Variants in PTPRM observed in about 807,000 individuals in gnomAD.
PTPRM encodes receptor-type tyrosine-protein phosphatase mu.
A neutral mutation model predicts 186.7 loss-of-function variants in PTPRM; 47 were observed. The observed-to-expected ratio is 0.25, with a 90% CI of 0.20 to 0.32. The LOEUF (loss-of-function observed/expected upper bound fraction) is 0.32, where lower values mean the gene tolerates loss of function less well. PTPRM is among the 10% of genes least tolerant of loss of function. The probability of loss-of-function intolerance (pLI) is 1.00; values close to 1 mark genes in which losing one functional copy is unlikely to be tolerated. For synonymous variants in PTPRM, 668 were observed against 674.9 expected (o/e 0.99, Z 0.16); for missense variants, 1,494 against 1,865.0 (o/e 0.80, Z 3.66).
intron 14 of PTPRM, among the ~76,000 whole-genome samples, chr18:8,199,664 T>C (rs1036332320): frequency 2.0e-5 from 3 of 152,204 alleles, no homozygotes; most frequent in Admixed American, 6.5e-5. Context: ...ACAAGATTCA[T>C]TGAAGTGAAG....
chr18:7,790,278 A>T (rs1434726966), intron 2 of PTPRM, among the ~76,000 whole-genome samples: 1 of 152,210 alleles, frequency 6.6e-6, no homozygotes, highest in Non-Finnish European at 1.5e-5. Flanking sequence ...CTTTAGAGAC[A>T]TATTCTCAGC....
chr18:7,739,751 G>A (rs771987867), intron 1 of PTPRM, among the ~76,000 whole-genome samples: 8 of 152,096 alleles, frequency 5.3e-5, no homozygotes, highest in Admixed American at 3.3e-4. Context: ...TTGCTTCTGC[G>A]GCTCTTGCTG....
intron 2 of PTPRM, among the ~76,000 whole-genome samples, chr18:7,842,482 AC>A (rs1266150107): frequency 1.3e-5 from 2 of 152,172 alleles, no homozygotes; most frequent in Non-Finnish European, 1.5e-5. Context: ...AGAAGTCCAG[AC>A]GTTGCCGTGA....
chr18:8,111,282 T>G (rs1398244431), intron 11 of PTPRM, among the ~76,000 whole-genome samples: 1 of 152,090 alleles, frequency 6.6e-6, no homozygotes, highest in Non-Finnish European at 1.5e-5. Context: ...ATACAGGAAA[T>G]GAACTGGAAA....
chr18:7,656,327 A>T (rs2038847372), intron 1 of PTPRM, among the ~76,000 whole-genome samples: 1 of 152,206 alleles, frequency 6.6e-6, no homozygotes, highest in Non-Finnish European at 1.5e-5. Flanking sequence ...CAGAAAGACA[A>T]ATTCCAAATA....
chr18:8,089,339 A>G (rs1396647919), intron 11 of PTPRM, among the ~76,000 whole-genome samples: 1 of 152,246 alleles, frequency 6.6e-6, no homozygotes, highest in African/African-American at 2.4e-5. Flanking sequence ...TGGAAAGAAC[A>G]TTGTGAAGTC....
chr18:8,343,117 TG>T (rs1478528459), intron 22 of PTPRM, among the ~76,000 whole-genome samples: 4 of 137,240 alleles, frequency 2.9e-5, no homozygotes, highest in Non-Finnish European at 6.8e-5. Context: ...TTGAGTACTA[TG>T]GAGATAATAG....
At chr18:7,676,684 T>C (rs1483027663) in intron 1 of PTPRM, among the ~76,000 whole-genome samples, 36 of 144,194 alleles carry the variant, frequency 2.5e-4, no homozygotes, top group African/African-American at 8.0e-4. Context: ...TGTGTGTGTG[T>C]GTGTGCGCGT....
chr18:8,193,001 G>A (rs28652657), intron 14 of PTPRM, among the ~76,000 whole-genome samples: 19,516 of 151,970 alleles, frequency 0.13, 1,693 homozygotes, highest in Middle Eastern at 0.32. Context: ...AGCATGTGGG[G>A]GACAGTTGGA....
intron 1 of PTPRM, among the ~76,000 whole-genome samples, chr18:7,586,787 A>G (rs2036990993): frequency 1.3e-5 from 2 of 152,232 alleles, no homozygotes; most frequent in Admixed American, 1.3e-4. Flanking sequence ...GAGAGAACGT[A>G]TGCCCTATGG....
chr18:7,917,826 G>A (rs563193723), intron 4 of PTPRM, among the ~76,000 whole-genome samples: 1 of 152,080 alleles, frequency 6.6e-6, no homozygotes, highest in Admixed American at 6.5e-5. Flanking sequence ...TCTTAATTCT[G>A]CACCCCCACT....
Position 7,890,911 on chromosome 18 carries a change from AC to A in PTPRM, c.468+2535del, listed in dbSNP as rs368259533. ...ATGGATTAAACAGGTATAAAGCAAT[AC>A]ATTAAATTCTATTTTTAAGTTTAAA... On this transcript the variant is annotated intron_variant, in intron 3 of 32. Coordinates refer to ENST00000580170, the MANE Select transcript of PTPRM (RefSeq NM_001105244.2). Among the ~76,000 whole-genome samples the A allele has an allele frequency of 6.0e-3, 918 of 152,330 alleles. 7 individuals are homozygous for A. The highest frequency in any genetic ancestry group is 6.5e-3 in the Non-Finnish European group (443 of 68,036).
At chr18:7,907,716 G>A (rs1487657432) in intron 4 of PTPRM, among the ~76,000 whole-genome samples, 1 of 152,046 alleles carries the variant, frequency 6.6e-6, no homozygotes, top group Non-Finnish European at 1.5e-5. Context: ...AACTTTTACT[G>A]AGAAACATAT....
intron 1 of PTPRM, among the ~76,000 whole-genome samples, chr18:7,637,192 T>G (rs1338845883): frequency 6.7e-6 from 1 of 150,124 alleles, no homozygotes; most frequent in Non-Finnish European, 1.5e-5. Flanking sequence ...AAAAACAGTG[T>G]AATTCATTTG....
chr18:7,798,310 C>G (rs931567377), intron 2 of PTPRM, among the ~76,000 whole-genome samples: 3 of 152,076 alleles, frequency 2.0e-5, no homozygotes, highest in Non-Finnish European at 4.4e-5. Context: ...GTGGGCAGAT[C>G]ACAGGGTCAG....
chr18:8,272,564 T>C (rs2094785884), intron 19 of PTPRM, among the ~76,000 whole-genome samples: 1 of 152,184 alleles, frequency 6.6e-6, no homozygotes, highest in African/African-American at 2.4e-5. Context: ...CCATGAATTA[T>C]TTAGAAGCAT....
At chr18:8,359,462 C>G (rs1295393431) in intron 23 of PTPRM, among the ~76,000 whole-genome samples, 1 of 152,258 alleles carries the variant, frequency 6.6e-6, no homozygotes, top group Non-Finnish European at 1.5e-5. Context: ...CCATAATTGG[C>G]TGACCCTGGA....
chr18:7,620,560 A>G (rs1015515260), intron 1 of PTPRM, among the ~76,000 whole-genome samples: 2 of 152,074 alleles, frequency 1.3e-5, no homozygotes, highest in Non-Finnish European at 2.9e-5. Flanking sequence ...TTCTAGACCT[A>G]TTATCCTTAG....
At chr18:7,934,700 A>T (rs1031882561) in intron 5 of PTPRM, among the ~76,000 whole-genome samples, 1 of 152,194 alleles carries the variant, frequency 6.6e-6, no homozygotes, top group African/African-American at 2.4e-5. Context: ...ATTGATCCCT[A>T]CAAGAATTTT....
Sources: allele counts gnomAD v4.1 joint callset (sites outside exome capture counted in the v4.1 genomes callset), GRCh38; gene constraint gnomAD v4.1.1; transcripts MANE v1.5; gene names NCBI Gene and HGNC (gene_info 2026-07-23, HGNC 2026-07-21).